The following ZNF778 variants were observed in gnomAD, a reference collection of about 807,000 sequenced individuals.
ZNF778 encodes zinc finger protein 778.
Under a neutral mutation model 23.9 loss-of-function variants are expected in ZNF778, and 37 were observed. The observed-to-expected ratio is 1.54, with a 90% CI of 1.19 to 2.03. The LOEUF is 2.03. Ranked by LOEUF, ZNF778 falls within the 30% of genes most tolerant of loss-of-function variation. ZNF778 has a pLI of 0.00. For missense variants in ZNF778, 1,297 were observed against 934.4 expected, an observed-to-expected ratio of 1.39 and a Z score of -5.06; for synonymous variants, 483 against 343.9, an observed-to-expected ratio of 1.40 and a Z score of -4.48.
chr16:89,233,661 C>T lies in ZNF778; in HGVS notation c.*5099C>T, dbSNP rs1567516490. ...CTCAGCTCGCTCTGCATATGCAATT[C>T]AACTCGCACTGCGTATGCAAATCAA... On this transcript the variant is annotated 3_prime_UTR_variant, in exon 7 of 7. Coordinates refer to ENST00000433976, the MANE Select transcript of ZNF778 (RefSeq NM_001201407.2). 2.3e-6 allele frequency: 3 copies of T among 1,287,300 alleles called. No individual in the cohort carries two copies. The highest frequency in any genetic ancestry group is 5.5e-5 in the East Asian group (1 of 18,084). The allele number at this position is 1,287,300 out of a possible 1,614,324, so 79.7% of individuals were successfully genotyped here.
Position 89,230,201 on chromosome 16 carries a change from AC to A in ZNF778, c.*1641del. 7.7e-6 allele frequency: 3 copies of A among 387,134 alleles called. No homozygotes were observed. Among genetic ancestry groups the A allele is most frequent in the Non-Finnish European group, 1.1e-5 (3 of 283,492 alleles). The allele number at this position is 387,134 out of a possible 1,614,324, so 24.0% of individuals were successfully genotyped here. On this transcript the variant is annotated 3_prime_UTR_variant, in exon 7 of 7. Transcript: ENST00000433976. ...CATACCTGATCCCTTCAGATAAAAC[AC>A]CAGGGTGCAAGGAGGGGCAGAGTGG...
In ZNF778 at chr16:89,223,006, C is replaced by T. The variant is rs115981501; in HGVS notation, c.118-151C>T. 3.1e-4 allele frequency: 273 copies of T among 887,486 alleles called. 1 individual carries two copies. The African/African-American group carries it at 3.9e-3, about 13-fold the overall frequency. The allele number at this position is 887,486 out of a possible 1,614,324, so 55.0% of individuals were successfully genotyped here. A position where few individuals can be genotyped will look rare whatever the true frequency, so the allele number is the denominator to read the frequency against. ...GGAGGAGAGCGACAGGGCGTGTGTG[C>T]GGGCAGAGAAGGGTTCCTGGGACCA... On this transcript the variant is annotated intron_variant, in intron 3 of 6. Coordinates refer to ENST00000433976, the MANE Select transcript of ZNF778 (RefSeq NM_001201407.2).
rs1044155464 is a variant in ZNF778, at chr16:89,234,612, A to T, written c.*6050A>T. 1 of 159,870 alleles carries T rather than the reference A, an allele frequency of 6.3e-6. No individual in the cohort carries two copies. Among genetic ancestry groups the T allele is most frequent in the African/African-American group, 2.4e-5 (1 of 41,452 alleles). 9.9% of individuals were successfully genotyped at this position (159,870 alleles called of 1,614,324 possible). A position where few individuals can be genotyped will look rare whatever the true frequency, so the allele number is the denominator to read the frequency against. On this transcript the variant is annotated 3_prime_UTR_variant, in exon 7 of 7. Transcript: ENST00000433976. ...CACTTCACCTGTTTCCACTTTTGTG[A>T]TGATGCCTTAAGGAAAAAGATTGTG...
At chr16:89,219,737 C>T (rs528350376) in intron 1 of ZNF778, among the ~76,000 whole-genome samples, 90 of 152,372 alleles carry the variant, frequency 5.9e-4, no homozygotes, top group African/African-American at 2.1e-3. Flanking sequence ...TGAATGTGCA[C>T]TGATCCACAC....
At position 89,232,219 on chromosome 16, in the gene ZNF778, A is replaced by G. The variant is rs139338256; in HGVS notation, c.*3657A>G. 1.1e-5 allele frequency: 2 copies of G among 176,728 alleles called. No homozygotes were observed. Among genetic ancestry groups the G allele is most frequent in the Admixed American group, 5.3e-5 (1 of 18,694 alleles). 10.9% of individuals were successfully genotyped at this position (176,728 alleles called of 1,614,324 possible). On this transcript the variant is annotated 3_prime_UTR_variant, in exon 7 of 7. Coordinates refer to ENST00000433976, the MANE Select transcript of ZNF778 (RefSeq NM_001201407.2). ...GGATTGGTTTGTAGGGGAATGCACTAGTTACTGGGAGCATGGTTGTGATAA... is the reference window on the plus strand; with the variant it reads ...GGATTGGTTTGTAGGGGAATGCACTGGTTACTGGGAGCATGGTTGTGATAA...
At chr16:89,226,513 C>T (rs2031484740) in intron 6 of ZNF778, among the ~76,000 whole-genome samples, 181 bp from the exon 7 acceptor site, 1 of 152,192 alleles carries the variant, frequency 6.6e-6, no homozygotes, top group Non-Finnish European at 1.5e-5. Context: ...CCTGATGGCA[C>T]AGGATTCTTG....
chr16:89,217,996 G>C (rs2030511532), intron 1 of ZNF778, 86 bp downstream of exon 1: 1 of 152,378 alleles, frequency 6.6e-6, no homozygotes, highest in Middle Eastern at 3.4e-3. Context: ...TTTTTTATTT[G>C]TTTCTGGCAC....
chr16:89,218,717 G>C (rs2030611211), intron 1 of ZNF778, among the ~76,000 whole-genome samples: 1 of 152,194 alleles, frequency 6.6e-6, no homozygotes, highest in Non-Finnish European at 1.5e-5. Context: ...CGTGAACCCG[G>C]GAGGCGGAGC....
rs1268923892 is a variant in ZNF778, at chr16:89,235,958, A to C, written c.*7396A>C. The C allele has an allele frequency of 6.7e-6, 1 of 150,340 alleles. No homozygotes were observed. Among genetic ancestry groups the C allele is most frequent in the African/African-American group, 2.5e-5 (1 of 40,642 alleles). The allele number at this position is 150,340 out of a possible 1,614,324, so 9.3% of individuals were successfully genotyped here. On this transcript the variant is annotated 3_prime_UTR_variant, in exon 7 of 7. Transcript: ENST00000433976. ...CGGATCACAAGGTCAGGAGATCATGACCATCCTGGCCAACACAGTGAAACC... is the reference window on the plus strand; with the variant it reads ...CGGATCACAAGGTCAGGAGATCATGCCCATCCTGGCCAACACAGTGAAACC...
intron 3 of ZNF778, among the ~76,000 whole-genome samples, chr16:89,222,730 C>T (rs1473486007): frequency 6.6e-6 from 1 of 152,192 alleles, no homozygotes; most frequent in African/African-American, 2.4e-5. Context: ...AGTGCTCTGA[C>T]ACATGGTAAG....
chr16:89,222,321 C>A, intron 3 of ZNF778, 138 bp downstream of exon 3: 1 of 504,604 alleles, frequency 2.0e-6, no homozygotes, highest in Non-Finnish European at 3.4e-6. Context: ...GGAGAAGAGC[C>A]TGGCTGGTCA....
Position 89,227,819 on chromosome 16 carries a change from G to A in ZNF778, c.1531G>A (p.Gly511Ser), listed in dbSNP as rs2031633875. ...GAAACCCTACGAATGTAAGCAGTGTGGCAAAGCCTTCACAGGGCGCTCAGG... is the reference window on the plus strand; with the variant it reads ...GAAACCCTACGAATGTAAGCAGTGTAGCAAAGCCTTCACAGGGCGCTCAGG... Reference protein sequence around the residue: ...GEKPYECKQCGKAFTGRSGLT... With the variant: ...GEKPYECKQCSKAFTGRSGLT... Residue 511 changes from glycine to serine, a missense_variant, in exon 7 of 7, where the codon GGC becomes AGC. Gly to Ser is a moderately conservative substitution (Grantham distance 56). Transcript: ENST00000433976. 6.2e-7 allele frequency: 1 copy of A among 1,614,120 alleles called. No individual in the cohort carries two copies.
At chr16:89,223,753 C>T (rs1213263837) in intron 4 of ZNF778, among the ~76,000 whole-genome samples, 1 of 152,148 alleles carries the variant, frequency 6.6e-6, no homozygotes, top group South Asian at 2.1e-4. Flanking sequence ...CTTTGGGGCG[C>T]AGAAGGATGG....
chr16:89,222,126 T>G lies in ZNF778; in HGVS notation c.60T>G (p.His20Gln). The change falls in exon 3 of 7, where the codon CAT (histidine) becomes CAG (glutamine). Residue 20 changes from histidine to glutamine, a missense_variant. His to Gln is a conservative substitution (Grantham distance 24, BLOSUM62 0). Coordinates refer to ENST00000433976, the MANE Select transcript of ZNF778 (RefSeq NM_001201407.2). Reference protein sequence around the residue: ...GHVSRDSVCLHEEQTQAAGMV... With the variant: ...GHVSRDSVCLQEEQTQAAGMV... Reference sequence around the variant, plus strand: ...TTTCTAGGGACTCAGTCTGCCTTCATGAAGAACAGACACAGGCAGCAGGGA... The same window carrying G: ...TTTCTAGGGACTCAGTCTGCCTTCAGGAAGAACAGACACAGGCAGCAGGGA... 6.2e-7 allele frequency: 1 copy of G among 1,606,170 alleles called. No homozygotes were observed. Among genetic ancestry groups the G allele is most frequent in the Non-Finnish European group, 8.5e-7 (1 of 1,174,962 alleles).
chr16:89,218,628 A>G (rs2030596716), intron 1 of ZNF778, among the ~76,000 whole-genome samples: 1 of 150,690 alleles, frequency 6.6e-6, no homozygotes, highest in Admixed American at 6.7e-5. Context: ...CATCTCTACT[A>G]AAAATACAAA....
chr16:89,220,941 G>C (rs773797518), intron 1 of ZNF778, 56 bp from the exon 2 acceptor site: 11 of 616,574 alleles, frequency 1.8e-5, no homozygotes, highest in Non-Finnish European at 2.9e-5. Context: ...GCAGAAACAA[G>C]CTAATGCGTG....
intron 3 of ZNF778, 96 bp downstream of exon 3, chr16:89,222,279 C>T (rs2031031364): frequency 1.1e-6 from 1 of 901,810 alleles, no homozygotes; most frequent in African/African-American, 1.7e-5. Context: ...CAGCCTCACT[C>T]AAGGACCGAG....
At chr16:89,223,131 TCCAA>T (rs2031129688) in intron 3 of ZNF778, 22 bp from the exon 4 acceptor site, 2 of 1,608,646 alleles carry the variant, frequency 1.2e-6, no homozygotes, top group African/African-American at 1.3e-5. Flanking sequence ...GTTGGAAGGC[TCCAA>T]CCGTCATGTG....
At chr16:89,225,762 A>C (rs2031421692) in intron 6 of ZNF778, 131 bp downstream of exon 6, 1 of 825,880 alleles carries the variant, frequency 1.2e-6, no homozygotes, top group Non-Finnish European at 1.9e-6. Context: ...GTCTGTAGAG[A>C]ACACTCTGAA....
Sources: allele counts gnomAD v4.1 joint callset (sites outside exome capture counted in the v4.1 genomes callset), GRCh38; gene constraint gnomAD v4.1.1; transcripts MANE v1.5; gene names NCBI Gene and HGNC (gene_info 2026-07-23, HGNC 2026-07-21).